The following HECW2 variants were observed in gnomAD, a reference collection of about 807,000 sequenced individuals.
HECW2 encodes the protein HECT, C2 and WW domain containing E3 ubiquitin protein ligase 2, also known as E3 ubiquitin-protein ligase HECW2.
In HECW2, 61 loss-of-function variants were observed where a neutral mutation model predicts 175.2. The ratio of observed to expected loss-of-function variants is 0.35; its 90% confidence interval spans 0.28 to 0.43. HECW2 has a LOEUF of 0.43. Among genes scored for constraint, HECW2 ranks in the 20% least tolerant of loss-of-function variants. HECW2 has a pLI of 1.00. For synonymous variants in HECW2, 671 were observed against 731.0 expected (o/e 0.92, Z 1.32); for missense variants, 1,524 against 2,000.5 (o/e 0.76, Z 4.54).
intron 1 of HECW2, among the ~76,000 whole-genome samples, chr2:196,434,287 A>T (rs1695806789): frequency 6.6e-6 from 1 of 152,124 alleles, no homozygotes; most frequent in Non-Finnish European, 1.5e-5. Flanking sequence ...TACTTCTTGA[A>T]ATAACTTTTA....
chr2:196,390,153 C>A (rs1694463598), intron 2 of HECW2, among the ~76,000 whole-genome samples: 1 of 151,830 alleles, frequency 6.6e-6, no homozygotes, highest in African/African-American at 2.4e-5. Context: ...TGAGGTAGAC[C>A]CTATTATGAT....
intron 19 of HECW2, among the ~76,000 whole-genome samples, chr2:196,245,002 A>G (rs1428004958): frequency 6.6e-6 from 1 of 152,192 alleles, no homozygotes; most frequent in East Asian, 1.9e-4. Flanking sequence ...TGAGTAAATT[A>G]AGGGTGGGCA....
chr2:196,500,168 G>C (rs1397505951), intron 1 of HECW2, among the ~76,000 whole-genome samples: 1 of 151,992 alleles, frequency 6.6e-6, no homozygotes, highest in African/African-American at 2.4e-5. Flanking sequence ...ACCCCAAGAA[G>C]AATCAAATGA....
rs73051098 is a variant in HECW2, at chr2:196,542,310, C to T, written c.-36+51198G>A. Among the ~76,000 whole-genome samples, 386 of 147,188 alleles carry T rather than the reference C, an allele frequency of 2.6e-3. 1 individual carries two copies. The highest frequency in any genetic ancestry group is 9.3e-3 in the African/African-American group (375 of 40,246). On this transcript the variant is annotated intron_variant, in intron 1 of 28. Transcript: ENST00000644978. ...CAAAGGCACAAGTTTTTAAAAAGTA[C>T]GGTAAACAAGAGAGAAGAACAAAAG...
chr2:196,334,340 AC>A, intron 4 of HECW2, 83 bp downstream of exon 4: 1 of 987,570 alleles, frequency 1.0e-6, no homozygotes, highest in Non-Finnish European at 1.5e-6. Flanking sequence ...GTTCCTCATA[AC>A]CCTGTCAGGG....
chr2:196,488,414 CTTCT>C (rs1025790580), intron 1 of HECW2, among the ~76,000 whole-genome samples: 26 of 152,288 alleles, frequency 1.7e-4, no homozygotes, highest in African/African-American at 5.3e-4. Context: ...CTTTCTCTTT[CTTCT>C]TTATCTTTCT....
At chr2:196,259,330 T>C (rs1036012977) in intron 17 of HECW2, among the ~76,000 whole-genome samples, 5 of 152,234 alleles carry the variant, frequency 3.3e-5, no homozygotes, top group African/African-American at 1.2e-4. Flanking sequence ...GATTGCTTGC[T>C]GACTTGAAGG....
At chr2:196,557,588 G>C (rs927511045) in intron 1 of HECW2, among the ~76,000 whole-genome samples, 1 of 152,054 alleles carries the variant, frequency 6.6e-6, no homozygotes, top group African/African-American at 2.4e-5. Flanking sequence ...ATTCACTGGA[G>C]AGCTCCTAAT....
rs529193074 is a variant in HECW2, at chr2:196,521,376, CTA to C, written c.-36+72130_-36+72131del. Among the ~76,000 whole-genome samples the C allele has an allele frequency of 4.0e-5, 6 of 150,588 alleles. No homozygotes were observed. The South Asian group carries it at 1.3e-3, about 32-fold the overall frequency. ...TTATACAGAAAATTTCTAATAGACA[CTA>C]GTTATAAAAAATTTGCTTCCCAATT... is the stretch of plus-strand genomic sequence containing the variant. On this transcript the variant is annotated intron_variant, in intron 1 of 28. Transcript: ENST00000644978.
chr2:196,365,741 C>T (rs534879260), intron 2 of HECW2, among the ~76,000 whole-genome samples: 14 of 152,102 alleles, frequency 9.2e-5, no homozygotes, highest in Middle Eastern at 3.4e-3. Context: ...GAAAGTAGGC[C>T]GTTAAACTCA....
chr2:196,446,149 C>T (rs895680921), intron 1 of HECW2, among the ~76,000 whole-genome samples: 3 of 152,184 alleles, frequency 2.0e-5, no homozygotes, highest in South Asian at 4.1e-4. Context: ...GTTCACACCG[C>T]TCCAGTCCCA....
intron 1 of HECW2, among the ~76,000 whole-genome samples, chr2:196,587,440 T>C (rs1024413733): frequency 1.3e-5 from 2 of 152,240 alleles, no homozygotes; most frequent in Non-Finnish European, 2.9e-5. Context: ...AGAGATTCCC[T>C]TGTCTCTATA....
intron 1 of HECW2, among the ~76,000 whole-genome samples, chr2:196,525,596 G>A (rs1200943436): frequency 7.2e-6 from 1 of 138,210 alleles, no homozygotes; most frequent in Non-Finnish European, 1.6e-5. Flanking sequence ...ATTTTGGCAT[G>A]ATTTTGCAGC....
chr2:196,267,775 C>T (rs963120291), intron 17 of HECW2, among the ~76,000 whole-genome samples: 2 of 152,072 alleles, frequency 1.3e-5, no homozygotes, highest in African/African-American at 2.4e-5. Context: ...CACAAGCAAA[C>T]CAAGAAAACA....
intron 10 of HECW2, 67 bp from the exon 11 acceptor site, chr2:196,308,152 A>C (rs909112287): frequency 6.4e-6 from 8 of 1,250,502 alleles, no homozygotes; most frequent in Non-Finnish European, 8.6e-6. Flanking sequence ...GGGTTCATTA[A>C]GTTTGGCATG....
chr2:196,302,301 T>C (rs1033421672), intron 13 of HECW2, among the ~76,000 whole-genome samples: 1 of 152,174 alleles, frequency 6.6e-6, no homozygotes, highest in Admixed American at 6.5e-5. Context: ...TAGTTGTAAG[T>C]TACTAGTATA....
intron 2 of HECW2, among the ~76,000 whole-genome samples, chr2:196,428,732 T>A (rs1001481862): frequency 3.9e-5 from 6 of 152,154 alleles, no homozygotes; most frequent in Non-Finnish European, 8.8e-5. Flanking sequence ...ATTAAAATAG[T>A]CCTTAACACT....
At chr2:196,254,148 G>A (rs749397800) in intron 18 of HECW2, 119 bp from the exon 19 acceptor site, 80 of 1,408,118 alleles carry the variant, frequency 5.7e-5, no homozygotes, top group Admixed American at 7.1e-5. Flanking sequence ...GAGAGCATCC[G>A]CCCCCTTTCT....
chr2:196,415,124 G>C (rs1222182799), intron 2 of HECW2, among the ~76,000 whole-genome samples: 5 of 152,204 alleles, frequency 3.3e-5, no homozygotes, highest in Non-Finnish European at 1.5e-5. Context: ...AGGTGAGAGA[G>C]GAGTTGTTGA....
Sources: gnomAD v4.1 joint callset for allele counts (sites outside exome capture counted in the v4.1 genomes callset) on GRCh38, gnomAD v4.1.1 for gene constraint, MANE v1.5 for transcripts, NCBI Gene and HGNC (gene_info 2026-07-23, HGNC 2026-07-21) for gene names.